The following RPS6KC1 variants were observed in gnomAD, a reference collection of about 807,000 sequenced individuals.
RPS6KC1 encodes ribosomal protein S6 kinase C1.
Under a neutral mutation model 103.8 loss-of-function variants are expected in RPS6KC1, and 54 were observed. The observed-to-expected ratio is 0.52, with a 90% CI of 0.42 to 0.65. The LOEUF (loss-of-function observed/expected upper bound fraction) is 0.65. RPS6KC1 is among the 30% of genes least tolerant of loss of function. The pLI is 0.00. For missense variants in RPS6KC1, 1,151 were observed against 1,253.8 expected (o/e 0.92, Z 1.24); for synonymous variants, 439 against 438.7 (o/e 1.00, Z -0.01).
chr1:213,831,470 T>C, the RPS6KC1 span, among the ~76,000 whole-genome samples: 113 of 152,196 alleles, frequency 7.4e-4, no homozygotes, highest in African/African-American at 2.4e-3. Context: ...TCCCCTGAAG[T>C]CACCTGAAGG....
chr1:213,319,077 G>A, the RPS6KC1 span, among the ~76,000 whole-genome samples: 1 of 152,174 alleles, frequency 6.6e-6, no homozygotes, highest in Admixed American at 6.5e-5. Flanking sequence ...AGGCCAAGGT[G>A]GGTGGATCAT....
At chr1:213,651,370 T>C in the RPS6KC1 span, among the ~76,000 whole-genome samples, 1 of 152,114 alleles carries the variant, frequency 6.6e-6, no homozygotes, top group African/African-American at 2.4e-5. Flanking sequence ...CCACGGTGAA[T>C]ACAAACATAA....
chr1:213,640,123 G>A, the RPS6KC1 span, among the ~76,000 whole-genome samples: 4 of 151,948 alleles, frequency 2.6e-5, no homozygotes, highest in African/African-American at 9.7e-5. Context: ...TCTTGAGTGA[G>A]TTTTAGTAGT....
the RPS6KC1 span, among the ~76,000 whole-genome samples, chr1:213,291,503 C>T: frequency 6.6e-6 from 1 of 152,210 alleles, no homozygotes; most frequent in African/African-American, 2.4e-5. Context: ...GACTGCACAG[C>T]GTTCCTTGCG....
chr1:213,634,752 A>C, the RPS6KC1 span, among the ~76,000 whole-genome samples: 9,093 of 151,928 alleles, frequency 0.06, 593 homozygotes, highest in East Asian at 0.29. Flanking sequence ...AAAGAGATAG[A>C]GACACTAAAA....
the RPS6KC1 span, among the ~76,000 whole-genome samples, chr1:213,398,477 G>C: frequency 6.6e-6 from 1 of 152,154 alleles, no homozygotes; most frequent in East Asian, 1.9e-4. Flanking sequence ...GTGAGGACAG[G>C]CTCTTTGGCC....
chr1:213,323,908 A>G, the RPS6KC1 span, among the ~76,000 whole-genome samples: 7 of 152,342 alleles, frequency 4.6e-5, no homozygotes, highest in East Asian at 1.3e-3. Context: ...TTGGTGTTGT[A>G]CATTCTATGA....
At chr1:213,210,998 T>G (rs1253070395) in intron 8 of RPS6KC1, among the ~76,000 whole-genome samples, 1 of 152,228 alleles carries the variant, frequency 6.6e-6, no homozygotes, top group Non-Finnish European at 1.5e-5. Flanking sequence ...TAAGTGTATT[T>G]ATAGAGCACA....
the RPS6KC1 span, among the ~76,000 whole-genome samples, chr1:213,591,589 T>C: frequency 6.6e-6 from 1 of 152,218 alleles, no homozygotes; most frequent in Non-Finnish European, 1.5e-5. Context: ...ATGGAGTCCC[T>C]GTTGCCAGCC....
chr1:213,654,494 C>T, the RPS6KC1 span, among the ~76,000 whole-genome samples: 1 of 152,172 alleles, frequency 6.6e-6, no homozygotes, highest in Non-Finnish European at 1.5e-5. Flanking sequence ...TAAAGCATTA[C>T]AGCTTTAAGT....
intron 6 of RPS6KC1, among the ~76,000 whole-genome samples, chr1:213,139,518 A>G (rs2086772323): frequency 6.6e-6 from 1 of 151,996 alleles, no homozygotes. Flanking sequence ...TGATTTTTAT[A>G]TATGGTAAAA....
chr1:213,268,733 C>T (rs2094970440), intron 14 of RPS6KC1, among the ~76,000 whole-genome samples: 1 of 150,822 alleles, frequency 6.6e-6, no homozygotes, highest in African/African-American at 2.4e-5. Flanking sequence ...AAAGTTTCTA[C>T]CTTTTGCTAA....
the RPS6KC1 span, among the ~76,000 whole-genome samples, chr1:213,612,440 C>G: frequency 2.6e-5 from 4 of 152,224 alleles, no homozygotes; most frequent in Admixed American, 2.6e-4. Context: ...AAATAGAAGG[C>G]CCAAGTATAG....
At chr1:213,813,079 C>T in the RPS6KC1 span, among the ~76,000 whole-genome samples, 5 of 151,978 alleles carry the variant, frequency 3.3e-5, no homozygotes, top group African/African-American at 4.8e-5. Flanking sequence ...GGTGAAACCC[C>T]GTCTCTACTA....
intron 8 of RPS6KC1, among the ~76,000 whole-genome samples, chr1:213,203,642 A>C (rs2093245145): frequency 6.6e-6 from 1 of 152,090 alleles, no homozygotes; most frequent in Non-Finnish European, 1.5e-5. Context: ...TCAAGACAAA[A>C]ATTTTCTGTT....
intron 8 of RPS6KC1, among the ~76,000 whole-genome samples, chr1:213,217,383 G>C (rs1453246126): frequency 1.3e-5 from 2 of 152,062 alleles, no homozygotes; most frequent in Admixed American, 6.6e-5. Context: ...ATAATTAATA[G>C]CTTACCAACC....
chr1:213,135,299 G>C (rs970273900), intron 6 of RPS6KC1, among the ~76,000 whole-genome samples: 13 of 151,902 alleles, frequency 8.6e-5, no homozygotes, highest in African/African-American at 3.1e-4. Context: ...TCTTAAGTTT[G>C]AACCCAGTTG....
At chr1:213,838,272 A>C in the RPS6KC1 span, among the ~76,000 whole-genome samples, 1 of 152,164 alleles carries the variant, frequency 6.6e-6, no homozygotes, top group African/African-American at 2.4e-5. Flanking sequence ...AATATAGCTA[A>C]ATATTTGTTT....
the RPS6KC1 span, among the ~76,000 whole-genome samples, chr1:213,717,245 C>T: frequency 1.3e-5 from 2 of 152,282 alleles, no homozygotes; most frequent in African/African-American, 4.8e-5. Flanking sequence ...AAAGATAAAT[C>T]GCATAATGGA....
Sources: gnomAD v4.1 joint callset for allele counts (sites outside exome capture counted in the v4.1 genomes callset) on GRCh38, gnomAD v4.1.1 for gene constraint, MANE v1.5 for transcripts, NCBI Gene and HGNC (gene_info 2026-07-23, HGNC 2026-07-21) for gene names.